NXPH1: variants seen among roughly 807,000 people sequenced by gnomAD.
NXPH1 encodes the protein neurexophilin-1.
NXPH1 carries 5 observed loss-of-function variants against 23.7 expected under a neutral mutation model. That is an observed-to-expected ratio of 0.21 (90% CI 0.11 to 0.44). The LOEUF (loss-of-function observed/expected upper bound fraction) is 0.44. Ranked by LOEUF, NXPH1 falls within the 20% of genes least tolerant of loss-of-function variation. The probability of loss-of-function intolerance (pLI) is 0.99; values close to 1 mark genes in which losing one functional copy is unlikely to be tolerated. For missense variants in NXPH1, 324 were observed against 321.6 expected (o/e 1.01, Z -0.06); for synonymous variants, 144 against 122.2 (o/e 1.18, Z -1.18).
intron 2 of NXPH1, among the ~76,000 whole-genome samples, chr7:8,730,918 T>A (rs1240991500): frequency 6.6e-6 from 1 of 151,052 alleles, no homozygotes. Context: ...TTCTCCTGGA[T>A]AATATCCTGC....
intron 2 of NXPH1, among the ~76,000 whole-genome samples, chr7:8,493,121 G>C (rs1440468486): frequency 6.6e-6 from 1 of 151,898 alleles, no homozygotes; most frequent in South Asian, 2.1e-4. Context: ...GGGTAAATTT[G>C]TGATTAAGGG....
Position 8,442,444 on chromosome 7 carries a change from CG to C in NXPH1, c.54+6679del, listed in dbSNP as rs1816319572. Among the ~76,000 whole-genome samples, 1 of 152,178 alleles carries C rather than the reference CG, an allele frequency of 6.6e-6. No individual in the cohort carries two copies. Among genetic ancestry groups the C allele is most frequent in the Non-Finnish European group, 1.5e-5 (1 of 68,036 alleles). ...CTGAAGCGAAGGATCCTAGCTGCCG[CG>C]GCTAAGGGCGCAGGGGGAGGCCGCG... On this transcript the variant is annotated intron_variant, in intron 2 of 2. Coordinates refer to ENST00000405863, the MANE Select transcript of NXPH1 (RefSeq NM_152745.3). This position sits in a 1 kb window ranked among gnomAD's most constrained non-coding sequence, Gnocchi z 4.6.
chr7:8,452,128 T>G (rs1209956785), intron 2 of NXPH1, among the ~76,000 whole-genome samples: 1 of 152,180 alleles, frequency 6.6e-6, no homozygotes, highest in Non-Finnish European at 1.5e-5. Context: ...AAATGGAACT[T>G]TGTCAGTGAT....
intron 2 of NXPH1, among the ~76,000 whole-genome samples, chr7:8,653,595 A>C (rs947890987): frequency 1.3e-5 from 2 of 152,182 alleles, no homozygotes; most frequent in African/African-American, 4.8e-5. Flanking sequence ...CAATTATGGT[A>C]ATGGCAGGAT....
At chr7:8,600,895 A>G (rs1819343726) in intron 2 of NXPH1, among the ~76,000 whole-genome samples, 1 of 152,026 alleles carries the variant, frequency 6.6e-6, no homozygotes, top group South Asian at 2.1e-4. Flanking sequence ...AGATTAAAAA[A>G]AGTTATGTCT....
At chr7:8,563,801 C>A (rs765571350) in intron 2 of NXPH1, among the ~76,000 whole-genome samples, 1 of 151,778 alleles carries the variant, frequency 6.6e-6, no homozygotes, top group Non-Finnish European at 1.5e-5. Context: ...CGCAGAAATT[C>A]TTTGGGAATG....
In NXPH1 at chr7:8,683,813, G is replaced by A. The variant is rs889392608; in HGVS notation, c.55-67195G>A. ...TTCAAGACACTAGCCTGCTTAATATGAAAAATATACCCCCAAGGAATTTAG... is the reference window on the plus strand; with the variant it reads ...TTCAAGACACTAGCCTGCTTAATATAAAAAATATACCCCCAAGGAATTTAG... On this transcript the variant is annotated intron_variant, in intron 2 of 2. Coordinates refer to ENST00000405863, the MANE Select transcript of NXPH1 (RefSeq NM_152745.3). Among the ~76,000 whole-genome samples, 3 of 151,980 alleles carry A rather than the reference G, an allele frequency of 2.0e-5. No individual in the cohort carries two copies. In the East Asian group the frequency reaches 5.8e-4, roughly 29 times the overall value.
At chr7:8,687,752 G>A (rs1821169534) in intron 2 of NXPH1, among the ~76,000 whole-genome samples, 1 of 152,120 alleles carries the variant, frequency 6.6e-6, no homozygotes, top group Admixed American at 6.6e-5. Context: ...TTGAGTGCTG[G>A]TACATGGTAA....
chr7:8,667,807 C>T (rs1179900551), intron 2 of NXPH1, among the ~76,000 whole-genome samples: 2 of 152,068 alleles, frequency 1.3e-5, no homozygotes, highest in Admixed American at 1.3e-4. Flanking sequence ...TTCTTGAACT[C>T]CTAAATCTTG....
intron 2 of NXPH1, among the ~76,000 whole-genome samples, chr7:8,695,630 G>C (rs1821296632): frequency 1.3e-5 from 2 of 152,038 alleles, no homozygotes; most frequent in Non-Finnish European, 2.9e-5. Context: ...AAGGAATTTT[G>C]GATATTTCTT....
intron 2 of NXPH1, among the ~76,000 whole-genome samples, chr7:8,556,121 C>T (rs1258409211): frequency 1.3e-5 from 2 of 151,572 alleles, no homozygotes; most frequent in African/African-American, 4.8e-5. Flanking sequence ...AGGCACTTAG[C>T]CCATGTTATG....
At chr7:8,668,003 T>C (rs1287016749) in intron 2 of NXPH1, among the ~76,000 whole-genome samples, 1 of 151,952 alleles carries the variant, frequency 6.6e-6, no homozygotes, top group African/African-American at 2.4e-5. Context: ...GTTGTTGTTG[T>C]TGTTGTTTAG....
chr7:8,506,486 G>A (rs1257779088), intron 2 of NXPH1, among the ~76,000 whole-genome samples: 1 of 152,110 alleles, frequency 6.6e-6, no homozygotes, highest in Non-Finnish European at 1.5e-5. Context: ...TCTAGTGAAT[G>A]AATACCTACC....
At chr7:8,672,543 AACAGCTTGAAAG>A (rs1187961403) in intron 2 of NXPH1, among the ~76,000 whole-genome samples, 1 of 152,144 alleles carries the variant, frequency 6.6e-6, no homozygotes, top group East Asian at 1.9e-4. Context: ...AAAAAAAGCA[AACAGCTTGAAAG>A]ACAAATCCAA....
intron 2 of NXPH1, among the ~76,000 whole-genome samples, chr7:8,693,494 TTATC>T (rs1268463867): frequency 3.3e-5 from 5 of 152,336 alleles, no homozygotes; most frequent in Non-Finnish European, 7.3e-5. Flanking sequence ...TCCTGTCTGT[TTATC>T]TAAGTGTCTT....
At chr7:8,627,541 A>G (rs4492284) in intron 2 of NXPH1, among the ~76,000 whole-genome samples, 9,148 of 152,226 alleles carry the variant, frequency 0.06, 410 homozygotes, top group East Asian at 0.17. Flanking sequence ...GCCTGACACT[A>G]GTAGGCAGAA....
intron 2 of NXPH1, among the ~76,000 whole-genome samples, chr7:8,480,561 T>G (rs570296354): frequency 3.3e-5 from 5 of 152,140 alleles, no homozygotes; most frequent in African/African-American, 7.2e-5. Context: ...TTTCTAACAC[T>G]TGGTGTCAGG....
chr7:8,730,828 C>G (rs1780139902), intron 2 of NXPH1, among the ~76,000 whole-genome samples: 1 of 150,542 alleles, frequency 6.6e-6, no homozygotes, highest in South Asian at 2.1e-4. Context: ...CTTGGAGTTG[C>G]TCTTCTCGAG....
Position 8,525,215 on chromosome 7 carries a change from A to G in NXPH1, c.54+89448A>G, listed in dbSNP as rs187338289. Reference sequence around the variant, plus strand: ...TGACTCTTGTTATGTTTTAGCAAAGAGACTGGTGGCATTTTGCCCATGCCC... The same window carrying G: ...TGACTCTTGTTATGTTTTAGCAAAGGGACTGGTGGCATTTTGCCCATGCCC... On this transcript the variant is annotated intron_variant, in intron 2 of 2. Transcript: ENST00000405863. Among the ~76,000 whole-genome samples, 820 of 152,308 alleles carry G rather than the reference A, an allele frequency of 5.4e-3. 2 individuals carry two copies. Among genetic ancestry groups the G allele is most frequent in the African/African-American group, 0.019 (779 of 41,578 alleles).
Sources: gnomAD v4.1 joint callset for allele counts (sites outside exome capture counted in the v4.1 genomes callset) on GRCh38, gnomAD v4.1.1 for gene constraint, Gnocchi (gnomAD v3.1) non-coding constraint, MANE v1.5 for transcripts, NCBI Gene and HGNC (gene_info 2026-07-23, HGNC 2026-07-21) for gene names.